The following ABR variants were observed in gnomAD, a reference collection of about 807,000 sequenced individuals.
ABR encodes the protein active breakpoint cluster region-related protein.
A neutral mutation model predicts 107.2 loss-of-function variants in ABR; 35 were observed. That is an observed-to-expected ratio of 0.33 (90% CI 0.25 to 0.43). The LOEUF (loss-of-function observed/expected upper bound fraction) is 0.43. Ranked by LOEUF, ABR falls within the 20% of genes least tolerant of loss-of-function variation. The pLI is 1.00. For missense variants in ABR, 815 were observed against 1,115.2 expected (o/e 0.73, Z 3.83); for synonymous variants, 498 against 462.0 (o/e 1.08, Z -1.00).
intron 2 of ABR, among the ~76,000 whole-genome samples, chr17:1,122,575 G>A (rs1472367460): frequency 6.6e-6 from 1 of 152,152 alleles, no homozygotes; most frequent in African/African-American, 2.4e-5. Context: ...CCTGAGCCTC[G>A]AGTCCACTGG....
intron 16 of ABR, among the ~76,000 whole-genome samples, chr17:1,020,477 T>C (rs2071537380): frequency 6.6e-6 from 1 of 152,192 alleles, no homozygotes; most frequent in Non-Finnish European, 1.5e-5. Flanking sequence ...TGGGGGCTCA[T>C]GTCCAGGAGA....
chr17:1,031,593 G>C, intron 16 of ABR: 1 of 1,154,488 alleles, frequency 8.7e-7, no homozygotes, highest in South Asian at 3.6e-5. Context: ...AGCCCCCGCG[G>C]GCACCTTGTT....
At chr17:1,097,224 C>G (rs372193045) in intron 3 of ABR, among the ~76,000 whole-genome samples, 1 of 152,168 alleles carries the variant, frequency 6.6e-6, no homozygotes, top group South Asian at 2.1e-4. Context: ...GCAGAAACCA[C>G]GAAGCCCTAA....
At chr17:1,019,042 C>A (rs1004644160) in intron 16 of ABR, among the ~76,000 whole-genome samples, 1 of 152,180 alleles carries the variant, frequency 6.6e-6, no homozygotes, top group Non-Finnish European at 1.5e-5. Flanking sequence ...CTGCTGCTTC[C>A]TCAGAAAGGC....
chr17:1,079,110 C>T (rs1567715985), intron 6 of ABR: 3 of 1,436,222 alleles, frequency 2.1e-6, no homozygotes, highest in Non-Finnish European at 2.7e-6. Context: ...TAAAGAGGAG[C>T]ACGTTTGTAG....
At chr17:1,183,965 C>T (rs1232337711), upstream of ABR, among the ~76,000 whole-genome samples, 1 of 152,170 alleles carries the variant, frequency 6.6e-6, no homozygotes, top group Non-Finnish European at 1.5e-5. Flanking sequence ...AATCCCAGCA[C>T]TTTGGGAGGC....
chr17:1,215,318 C>T (rs895282198), intron 1 of ABR, among the ~76,000 whole-genome samples: 22 of 151,280 alleles, frequency 1.5e-4, no homozygotes, highest in Non-Finnish European at 2.8e-4. Context: ...GCTGCCATCT[C>T]GGCTCACTGC....
intron 16 of ABR, among the ~76,000 whole-genome samples, chr17:1,041,382 G>A (rs2030452187): frequency 6.6e-6 from 1 of 152,230 alleles, no homozygotes; most frequent in Non-Finnish European, 1.5e-5. Context: ...TTCCAGGTAT[G>A]TGAGATCCTT....
chr17:1,161,192 C>G (rs972556606), intron 1 of ABR, among the ~76,000 whole-genome samples: 4 of 150,268 alleles, frequency 2.7e-5, no homozygotes, highest in African/African-American at 9.8e-5. Context: ...CATCTCCTTC[C>G]CAGCACCTAT....
rs140100996 is a variant in ABR, at chr17:1,124,321, C to T, written c.246+862G>A. Among the ~76,000 whole-genome samples the T allele has an allele frequency of 5.5e-3, 830 of 152,268 alleles. 4 individuals carry two copies. The highest frequency in any genetic ancestry group is 6.6e-3 in the Non-Finnish European group (446 of 68,014). ...CCTCTGGGGACGTCAGAAGGCAGGA[C>T]GGAGACCCCCTACAAAACACACCCG... On this transcript the variant is annotated intron_variant, in intron 2 of 22. Transcript: ENST00000302538.
chr17:1,212,847 C>T (rs2042929321), intron 1 of ABR, among the ~76,000 whole-genome samples: 4 of 151,862 alleles, frequency 2.6e-5, no homozygotes, highest in Admixed American at 2.6e-4. Flanking sequence ...CAAAATCTCT[C>T]CACTTCACTC....
chr17:1,033,069 C>G (rs1017265536), intron 16 of ABR, among the ~76,000 whole-genome samples: 1 of 152,200 alleles, frequency 6.6e-6, no homozygotes, highest in African/African-American at 2.4e-5. Context: ...CTCCAAAGCC[C>G]TTGGTGCTCA....
rs552784276 is a variant in ABR, at chr17:1,195,395, C to T, written c.838+33398G>A. 1.7e-3 allele frequency among the ~76,000 whole-genome samples: 259 copies of T among 151,636 alleles called. 3 individuals are homozygous for T. Among genetic ancestry groups the T allele is most frequent in the African/African-American group, 6.1e-3 (255 of 41,492 alleles). ...ACAGGCGTGAGCCATCAGGCCCGGC[C>T]CTTAAGGGTGTTTTCTACTGCTACA... On this transcript the variant is annotated intron_variant, in intron 1 of 22. Coordinates refer to the ABR transcript ENST00000574139.
intron 1 of ABR, among the ~76,000 whole-genome samples, chr17:1,203,230 A>C (rs1427988845): frequency 6.6e-6 from 1 of 151,782 alleles, no homozygotes; most frequent in Non-Finnish European, 1.5e-5. Context: ...TGAGCAGAGG[A>C]TCCTGGGGAG....
intron 16 of ABR, chr17:1,031,521 CGCAG>C: frequency 3.4e-5 from 7 of 208,628 alleles, no homozygotes; most frequent in East Asian, 1.4e-4. Context: ...CATCAGCCCC[CGCAG>C]CCCCCGCAGC....
At position 1,006,088 on chromosome 17, in the gene ABR, C is replaced by T. The variant is rs751168415; in HGVS notation, c.2572G>A (p.Asp858Asn). 1.0e-5 allele frequency: 16 copies of T among 1,569,132 alleles called. No homozygotes were observed. Among genetic ancestry groups the T allele is most frequent in the East Asian group, 2.4e-5 (1 of 42,510 alleles). ...LKRNTLYFSTDV is the reference protein window; with the variant it reads ...LKRNTLYFSTNV ...AGCCACCCTGCCTCGGGCTACACGT[C>T]GGTGGAGAAGTACAGTGTGTTCCGC... Residue 858 changes from aspartate (D) to asparagine (N), a missense_variant, in exon 23 of 23, where the codon GAC becomes AAC. Around this residue, in one of 5 missense-constraint regions of ABR, gnomAD observed 34 missense variants for 26.8 expected, o/e 1.27. Transcript: ENST00000302538.
At chr17:1,036,605 G>C (rs1370426614) in intron 16 of ABR, among the ~76,000 whole-genome samples, 1 of 152,104 alleles carries the variant, frequency 6.6e-6, no homozygotes, top group Non-Finnish European at 1.5e-5. Context: ...ATGAGAGAGA[G>C]ACAAGCAGGC....
chr17:1,216,410 C>T (rs953925175), intron 1 of ABR, among the ~76,000 whole-genome samples: 1 of 152,162 alleles, frequency 6.6e-6, no homozygotes, highest in Non-Finnish European at 1.5e-5. Flanking sequence ...TCCTCTGTTC[C>T]CTGCACTAGA....
At chr17:1,083,712 G>C in intron 4 of ABR, 85 bp from the exon 5 acceptor site, 5 of 1,144,638 alleles carry the variant, frequency 4.4e-6, no homozygotes, top group Non-Finnish European at 5.3e-6. Flanking sequence ...ACGGAGCACC[G>C]GGAGCTCCCC....
Sources: gnomAD v4.1 joint callset for allele counts (sites outside exome capture counted in the v4.1 genomes callset) on GRCh38, gnomAD v4.1.1 for gene constraint, gnomAD v4.1.1 regional missense constraint, MANE v1.5 for transcripts, NCBI Gene and HGNC (gene_info 2026-07-23, HGNC 2026-07-21) for gene names.